The following NRG1 variants were observed in gnomAD, a reference collection of about 807,000 sequenced individuals.
The protein encoded by NRG1 is pro-neuregulin-1, membrane-bound isoform.
Under a neutral mutation model 63.8 loss-of-function variants are expected in NRG1, and 18 were observed. The ratio of observed to expected loss-of-function variants is 0.28; its 90% CI spans 0.19 to 0.42. The LOEUF (loss-of-function observed/expected upper bound fraction) is 0.42. Ranked by LOEUF, NRG1 falls within the 10% of genes least tolerant of loss-of-function variation. The pLI is 1.00. For missense variants in NRG1, 762 were observed against 814.7 expected (o/e 0.94, Z 0.79); for synonymous variants, 302 against 301.3 (o/e 1.00, Z -0.02).
At chr8:32,687,889 T>A (rs1424403118) in intron 5 of NRG1, among the ~76,000 whole-genome samples, 3 of 152,102 alleles carry the variant, frequency 2.0e-5, no homozygotes, top group Non-Finnish European at 4.4e-5. Flanking sequence ...TCCCAGCATT[T>A]TCAGAGGCCA....
chr8:31,712,997 CCAT>C lies in NRG1; in HGVS notation c.37+73568_37+73570del. ...TCCATCCATCCACCCATCCATCCATCCATCCATCCATCCATCCATCCATCCATC... is the reference window on the plus strand; with the variant it reads ...TCCATCCATCCACCCATCCATCCATCCCATCCATCCATCCATCCATCCATC... On this transcript the variant is annotated intron_variant, in intron 1 of 10. Coordinates refer to the NRG1 transcript ENST00000519301. Among the ~76,000 whole-genome samples, 6 of 74,840 alleles carry C rather than the reference CCAT, an allele frequency of 8.0e-5. No individual in the cohort carries two copies. In the South Asian group the frequency reaches 2.2e-3, roughly 28 times the overall value. 49.1% of individuals were successfully genotyped at this position (74,840 alleles called of 152,430 possible). A position where few individuals can be genotyped will look rare whatever the true frequency, so the allele number is the denominator to read the frequency against.
intron 6 of NRG1, among the ~76,000 whole-genome samples, chr8:32,740,490 C>T (rs1826066965): frequency 6.6e-6 from 1 of 152,132 alleles, no homozygotes; most frequent in African/African-American, 2.4e-5. Flanking sequence ...AGCCACTGCG[C>T]CCGGCCAAGC....
chr8:32,638,111 G>C (rs1463250609), intron 5 of NRG1, among the ~76,000 whole-genome samples: 1 of 152,158 alleles, frequency 6.6e-6, no homozygotes, highest in East Asian at 1.9e-4. Flanking sequence ...AAATAGATGT[G>C]ATTCCCAGTC....
At chr8:32,115,483 C>G (rs1832597632) in intron 1 of NRG1, among the ~76,000 whole-genome samples, 1 of 151,968 alleles carries the variant, frequency 6.6e-6, no homozygotes, top group Non-Finnish European at 1.5e-5. Context: ...ATTTACTATT[C>G]ATTAAGAAGT....
chr8:32,229,962 A>G (rs890265503), intron 1 of NRG1, among the ~76,000 whole-genome samples: 1 of 152,098 alleles, frequency 6.6e-6, no homozygotes, highest in African/African-American at 2.4e-5. Context: ...TTGCAAGACT[A>G]TCTTTGACCT....
intron 5 of NRG1, among the ~76,000 whole-genome samples, chr8:32,639,932 C>T (rs1852016044): frequency 6.6e-6 from 1 of 152,206 alleles, no homozygotes; most frequent in Non-Finnish European, 1.5e-5. Context: ...CATTAAACTA[C>T]ATCCATTATC....
At chr8:31,942,698 G>C (rs992811305) in intron 1 of NRG1, among the ~76,000 whole-genome samples, 1 of 151,580 alleles carries the variant, frequency 6.6e-6, no homozygotes, top group Non-Finnish European at 1.5e-5. Context: ...GCAAGATAAA[G>C]ACAAACAATC....
chr8:32,471,901 A>G (rs1013237331), intron 1 of NRG1, among the ~76,000 whole-genome samples: 1 of 152,214 alleles, frequency 6.6e-6, no homozygotes, highest in Non-Finnish European at 1.5e-5. Context: ...ATGAAAAGAA[A>G]GCTAGAAATG....
chr8:32,678,735 A>G (rs1235198384), intron 5 of NRG1, among the ~76,000 whole-genome samples: 2 of 152,224 alleles, frequency 1.3e-5, no homozygotes, highest in Non-Finnish European at 2.9e-5. Context: ...GGTAAGGACA[A>G]TAAGTAGATA....
At chr8:32,153,326 G>T (rs1259495491) in intron 1 of NRG1, among the ~76,000 whole-genome samples, 1 of 152,120 alleles carries the variant, frequency 6.6e-6, no homozygotes, top group African/African-American at 2.4e-5. Flanking sequence ...TGCCCTTTGT[G>T]ATCTGCCCTA....
intron 1 of NRG1, among the ~76,000 whole-genome samples, chr8:31,903,066 C>T (rs1287606563): frequency 6.6e-6 from 1 of 151,752 alleles, no homozygotes; most frequent in Non-Finnish European, 1.5e-5. Context: ...GAGAGAGGAA[C>T]TGGGGATCCA....
intron 1 of NRG1, among the ~76,000 whole-genome samples, chr8:32,489,888 A>G (rs939472440): frequency 3.0e-4 from 45 of 152,268 alleles, no homozygotes; most frequent in African/African-American, 1.0e-3. Context: ...GTCCTCCCTC[A>G]TTATTCTTTA....
intron 11 of NRG1, among the ~76,000 whole-genome samples, chr8:32,762,060 A>AC (rs398007446): frequency 1.5e-5 from 2 of 137,290 alleles, no homozygotes; most frequent in African/African-American, 7.1e-5. Flanking sequence ...AAAAAAAAAA[A>AC]CATTCTGGAC....
At chr8:32,646,215 G>A (rs1163068376) in intron 5 of NRG1, among the ~76,000 whole-genome samples, 5 of 152,142 alleles carry the variant, frequency 3.3e-5, no homozygotes, top group Admixed American at 6.5e-5. Context: ...GGGGATATAT[G>A]GGCTGCCAAC....
chr8:32,231,324 A>G (rs1406123950), intron 1 of NRG1, among the ~76,000 whole-genome samples: 1 of 152,172 alleles, frequency 6.6e-6, no homozygotes, highest in Non-Finnish European at 1.5e-5. Context: ...TCTGGCATAA[A>G]TTTATATATT....
chr8:32,769,078 A>AC (rs1458216102), downstream of NRG1, among the ~76,000 whole-genome samples: 1 of 151,478 alleles, frequency 6.6e-6, no homozygotes, highest in African/African-American at 2.4e-5. Context: ...CCAAACAGAC[A>AC]CTCTCCAAAA....
rs1474490466 is a variant in NRG1 at position 32,366,673 on chromosome 8, GTGTGTATATATATATATATATATATA to G, written c.38-229153_38-229128del. ...ATATATTGTGTGTGTGTGTGTGTGT[GTGTGTATATATATATATATATATATA>G]TATATATATATATATCTCACTTTTT... On this transcript the variant is annotated intron_variant, in intron 1 of 10. Coordinates refer to the NRG1 transcript ENST00000519301. Among the ~76,000 whole-genome samples, 19 of 42,980 alleles carry G rather than the reference GTGTGTATATATATATATATATATATA, an allele frequency of 4.4e-4. 1 individual carries two copies. In the East Asian group the frequency reaches 8.9e-3, roughly 20 times the overall value. 28.2% of individuals were successfully genotyped at this position (42,980 alleles called of 152,430 possible). A position where few individuals can be genotyped will look rare whatever the true frequency, so the allele number is the denominator to read the frequency against.
chr8:32,591,704 A>G (rs1199931280), intron 1 of NRG1, among the ~76,000 whole-genome samples: 1 of 152,186 alleles, frequency 6.6e-6, no homozygotes, highest in African/African-American at 2.4e-5. Flanking sequence ...TAACTCAAAT[A>G]TTTACAAGAA....
At chr8:32,516,369 C>T (rs1829826563) in intron 1 of NRG1, among the ~76,000 whole-genome samples, 1 of 152,112 alleles carries the variant, frequency 6.6e-6, no homozygotes, top group African/African-American at 2.4e-5. Flanking sequence ...TATGATGCCT[C>T]TGGCTTTGTT....
Sources: allele counts gnomAD v4.1 joint callset (sites outside exome capture counted in the v4.1 genomes callset), GRCh38; gene constraint gnomAD v4.1.1; transcripts MANE v1.5; gene names NCBI Gene and HGNC (gene_info 2026-07-23, HGNC 2026-07-21).